The following NAV2 variants were observed in gnomAD, a reference collection of about 807,000 sequenced individuals.
NAV2 encodes helicase, APC down-regulated 1.
NAV2 carries 54 observed loss-of-function variants against 223.2 expected under a neutral mutation model. That is an observed-to-expected ratio of 0.24 (90% CI 0.19 to 0.30). The LOEUF is 0.30. Ranked by LOEUF, NAV2 falls within the 10% of genes least tolerant of loss-of-function variation. NAV2 has a pLI of 1.00. For synonymous variants in NAV2, 1,279 were observed against 1,239.3 expected (o/e 1.03, Z -0.67); for missense variants, 2,806 against 3,147.5 (o/e 0.89, Z 2.60).
At chr11:19,430,092 T>C (rs11025136) in intron 1 of NAV2, among the ~76,000 whole-genome samples, 1 of 152,358 alleles carries the variant, frequency 6.6e-6, no homozygotes, top group East Asian at 1.9e-4. Flanking sequence ...GAGGAGACCC[T>C]GGCTGTCCTT....
At chr11:19,587,406 C>G (rs1329672131) in intron 1 of NAV2, among the ~76,000 whole-genome samples, 1 of 152,186 alleles carries the variant, frequency 6.6e-6, no homozygotes, top group Non-Finnish European at 1.5e-5. Context: ...TCTGACACTC[C>G]TCAGTGAGAT....
intron 1 of NAV2, among the ~76,000 whole-genome samples, chr11:19,590,108 C>T (rs576946991): frequency 3.9e-5 from 6 of 152,258 alleles, no homozygotes; most frequent in Non-Finnish European, 7.4e-5. Context: ...ACCACTGTGC[C>T]GACGTTTTCT....
chr11:19,958,534 T>A (rs1205978030), intron 10 of NAV2, among the ~76,000 whole-genome samples: 1 of 152,190 alleles, frequency 6.6e-6, no homozygotes, highest in Non-Finnish European at 1.5e-5. Context: ...CAGTCCAGGC[T>A]GGTTCCACTA....
At chr11:20,068,964 C>T (rs2153638170) in intron 22 of NAV2, among the ~76,000 whole-genome samples, 1 of 151,876 alleles carries the variant, frequency 6.6e-6, no homozygotes, top group African/African-American at 2.4e-5. Context: ...GTCTCTGGGA[C>T]AGCAGAGAAA....
chr11:19,502,454 C>G (rs2042989337), intron 1 of NAV2, among the ~76,000 whole-genome samples: 1 of 152,284 alleles, frequency 6.6e-6, no homozygotes, highest in East Asian at 1.9e-4. Context: ...GGCAGGTACG[C>G]TTTGCTGATG....
At chr11:20,070,134 C>T (rs988998715) in intron 22 of NAV2, among the ~76,000 whole-genome samples, 1 of 152,124 alleles carries the variant, frequency 6.6e-6, no homozygotes, top group Admixed American at 6.5e-5. Flanking sequence ...AATTCTGAGG[C>T]GTAGGTCCTG....
At chr11:19,378,823 A>G (rs1459174610) in intron 1 of NAV2, among the ~76,000 whole-genome samples, 1 of 152,076 alleles carries the variant, frequency 6.6e-6, no homozygotes, top group Non-Finnish European at 1.5e-5. Flanking sequence ...TCCACAAGGC[A>G]GGTCATGCAC....
At chr11:19,565,396 C>T (rs2045236953) in intron 1 of NAV2, among the ~76,000 whole-genome samples, 1 of 152,202 alleles carries the variant, frequency 6.6e-6, no homozygotes, top group Non-Finnish European at 1.5e-5. Flanking sequence ...CCCCTCCTCC[C>T]TCTTCATCCA....
chr11:20,048,258 G>A (rs1024719964), intron 14 of NAV2, among the ~76,000 whole-genome samples: 1 of 152,164 alleles, frequency 6.6e-6, no homozygotes, highest in Non-Finnish European at 1.5e-5. Context: ...TTGATTCTAT[G>A]TATTGTGCTC....
chr11:19,405,567 C>T (rs879444984), intron 1 of NAV2, among the ~76,000 whole-genome samples: 8 of 152,186 alleles, frequency 5.3e-5, no homozygotes, highest in African/African-American at 1.9e-4. Context: ...GAAAACCATC[C>T]GTCTCCCTTG....
chr11:19,708,806 T>C (rs567926685), upstream of NAV2, among the ~76,000 whole-genome samples: 2 of 151,644 alleles, frequency 1.3e-5, no homozygotes, highest in African/African-American at 4.8e-5. Context: ...CTGCAAGTTC[T>C]GAGCCAGAAG....
At chr11:19,403,929 G>A (rs10219347) in intron 1 of NAV2, among the ~76,000 whole-genome samples, 72,663 of 133,488 alleles carry the variant, frequency 0.54, 18,337 homozygotes, top group Non-Finnish European at 0.64. Context: ...CCTTGCGTAC[G>A]TGGCTCTTAC....
At chr11:19,470,791 CA>C (rs2041940977) in intron 1 of NAV2, among the ~76,000 whole-genome samples, 3 of 152,152 alleles carry the variant, frequency 2.0e-5, no homozygotes, top group Non-Finnish European at 4.4e-5. Context: ...GGAAGAACTA[CA>C]GACTTGGATA....
At chr11:19,885,834 T>C (rs569116732) in intron 5 of NAV2, among the ~76,000 whole-genome samples, 4 of 152,322 alleles carry the variant, frequency 2.6e-5, no homozygotes, top group African/African-American at 9.6e-5. Flanking sequence ...TTATCACAAA[T>C]ACATACAAAA....
At chr11:19,642,689 C>A (rs1471344686) in intron 1 of NAV2, among the ~76,000 whole-genome samples, 1 of 152,092 alleles carries the variant, frequency 6.6e-6, no homozygotes, top group Admixed American at 6.6e-5. Context: ...TGTGCCAATT[C>A]TCGAAATAGT....
exon 1 of NAV2, chr11:19,350,786 A>G: frequency 1.5e-6 from 1 of 653,286 alleles, no homozygotes; most frequent in African/African-American, 1.8e-5. Context: ...GAGGTTCCCG[A>G]GTGGATTTTA....
At chr11:19,924,631 T>A (rs1262041371) in intron 6 of NAV2, among the ~76,000 whole-genome samples, 8 of 152,220 alleles carry the variant, frequency 5.3e-5, no homozygotes, top group Non-Finnish European at 1.2e-4. Flanking sequence ...TATTCATACA[T>A]GACATTTTAA....
At chr11:20,077,510 C>T (rs774556514) in intron 22 of NAV2, 42 bp from the exon 23 acceptor site, 2 of 1,487,616 alleles carry the variant, frequency 1.3e-6, no homozygotes, top group Non-Finnish European at 1.9e-6. Context: ...AGCACTCTTG[C>T]CTTGCAAGGT....
chr11:19,895,117 T>TTTTTTTTTTTTTTTTTTTTTC, intron 6 of NAV2, among the ~76,000 whole-genome samples: 1 of 141,946 alleles, frequency 7.0e-6, no homozygotes, highest in African/African-American at 2.6e-5. Flanking sequence ...TTTTTTTTTT[T>TTTTTTTTTTTTTTTTTTTTTC]TTTTTTTTTT....
Sources: gnomAD v4.1 joint callset for allele counts (sites outside exome capture counted in the v4.1 genomes callset) on GRCh38, gnomAD v4.1.1 for gene constraint, MANE v1.5 for transcripts, NCBI Gene and HGNC (gene_info 2026-07-23, HGNC 2026-07-21) for gene names.